NKAIN2: variants seen among roughly 807,000 people sequenced by gnomAD.
NKAIN2 encodes sodium/potassium-transporting ATPase subunit beta-1-interacting protein 2.
In NKAIN2, 14 loss-of-function variants were observed where a neutral mutation model predicts 32.6. The ratio of observed to expected loss-of-function variants is 0.43; its 90% CI spans 0.28 to 0.67. NKAIN2 has a LOEUF of 0.67. NKAIN2 is among the 30% of genes least tolerant of loss of function. The pLI is 0.17. For missense variants in NKAIN2, 198 were observed against 258.3 expected (o/e 0.77, Z 1.60); for synonymous variants, 80 against 87.2 (o/e 0.92, Z 0.46).
chr6:124,570,639 G>T (rs1781091440), intron 3 of NKAIN2, among the ~76,000 whole-genome samples: 1 of 152,232 alleles, frequency 6.6e-6, no homozygotes, highest in African/African-American at 2.4e-5. Context: ...CCTTCGCCTA[G>T]ATTTCAGAAG....
At position 124,698,419 on chromosome 6, in the gene NKAIN2, C is replaced by A. The variant is rs142017421; in HGVS notation, c.474+40033C>A. 1.9e-3 allele frequency among the ~76,000 whole-genome samples: 296 copies of A among 151,924 alleles called. 1 individual carries two copies. The highest frequency in any genetic ancestry group is 5.8e-3 in the African/African-American group (240 of 41,432). ...AAGGAGTAGTGAAAGTCTGTGTTAC[C>A]CTGAAGAAAATTTGAAATCAGCTCC... On this transcript the variant is annotated intron_variant, in intron 4 of 6. Coordinates refer to ENST00000368417, the MANE Select transcript of NKAIN2 (RefSeq NM_001040214.3).
intron 3 of NKAIN2, among the ~76,000 whole-genome samples, chr6:124,584,255 A>T (rs1244705590): frequency 6.6e-6 from 1 of 152,228 alleles, no homozygotes; most frequent in African/African-American, 2.4e-5. Flanking sequence ...CTGAGAAGGA[A>T]TTGGTAATCA....
intron 4 of NKAIN2, among the ~76,000 whole-genome samples, chr6:124,712,136 C>CAT (rs1423716369): frequency 2.6e-5 from 4 of 151,594 alleles, no homozygotes; most frequent in South Asian, 2.1e-4. Flanking sequence ...GCTCGGGGGT[C>CAT]GGGCGTCAGG....
chr6:124,037,981 T>TA (rs1236244760), intron 1 of NKAIN2, among the ~76,000 whole-genome samples: 1 of 152,130 alleles, frequency 6.6e-6, no homozygotes, highest in African/African-American at 2.4e-5. Context: ...ATTGAATGGA[T>TA]AAACATTAAA....
chr6:124,291,556 A>C (rs1337738573), intron 2 of NKAIN2, among the ~76,000 whole-genome samples: 6 of 152,042 alleles, frequency 3.9e-5, no homozygotes, highest in African/African-American at 1.4e-4. Flanking sequence ...AAGTTCTTCC[A>C]AAAGAAATGC....
At chr6:124,604,165 CCACT>C (rs1782411076) in intron 3 of NKAIN2, among the ~76,000 whole-genome samples, 1 of 151,860 alleles carries the variant, frequency 6.6e-6, no homozygotes, top group Non-Finnish European at 1.5e-5. Flanking sequence ...TAACACATAC[CCACT>C]GAGTTAGAAA....
At chr6:124,179,928 T>C (rs1789352765) in intron 1 of NKAIN2, among the ~76,000 whole-genome samples, 1 of 152,236 alleles carries the variant, frequency 6.6e-6, no homozygotes, top group Non-Finnish European at 1.5e-5. Context: ...CTGTAAGAGC[T>C]TGACAGATTA....
chr6:124,682,783 A>G (rs1479305009), intron 4 of NKAIN2, among the ~76,000 whole-genome samples: 3 of 152,190 alleles, frequency 2.0e-5, no homozygotes, highest in African/African-American at 7.2e-5. Flanking sequence ...AACTCTATAA[A>G]ACAACGTCTT....
intron 1 of NKAIN2, among the ~76,000 whole-genome samples, chr6:123,908,200 T>A (rs915937451): frequency 2.4e-4 from 37 of 152,120 alleles, no homozygotes; most frequent in Non-Finnish European, 2.9e-5. Context: ...TTGCAAGAGA[T>A]CTCTTGATTT....
chr6:124,366,544 T>C (rs1799525289), intron 3 of NKAIN2, among the ~76,000 whole-genome samples: 1 of 152,164 alleles, frequency 6.6e-6, no homozygotes, highest in Non-Finnish European at 1.5e-5. Context: ...AAATTCTTTC[T>C]AAGAATACAG....
rs754108149 is a variant in NKAIN2 at position 124,345,862 on chromosome 6, C to CT, written c.193-9404dup. On this transcript the variant is annotated intron_variant, in intron 2 of 6. Transcript: ENST00000368417. ...AGTTGTGTTCTGATTTTAGTTATTT[C>CT]TGCCTTCTGCTAGCTTTTGAATGTG... Among the ~76,000 whole-genome samples the CT allele has an allele frequency of 1.1e-4, 16 of 152,120 alleles. No homozygotes were observed. In the East Asian group the frequency reaches 1.9e-3, roughly 18 times the overall value.
At chr6:124,301,618 A>G (rs1222522684) in intron 2 of NKAIN2, among the ~76,000 whole-genome samples, 1 of 152,218 alleles carries the variant, frequency 6.6e-6, no homozygotes, top group Non-Finnish European at 1.5e-5. Flanking sequence ...GAGCTGCCCA[A>G]GAATGAGAAC....
intron 3 of NKAIN2, among the ~76,000 whole-genome samples, chr6:124,583,979 T>G (rs1026830452): frequency 4.6e-5 from 7 of 152,012 alleles, no homozygotes; most frequent in African/African-American, 9.7e-5. Context: ...TCTCACCACA[T>G]AAAAAAATCA....
intron 3 of NKAIN2, among the ~76,000 whole-genome samples, chr6:124,415,601 C>A (rs565749218): frequency 2.6e-5 from 4 of 152,074 alleles, no homozygotes; most frequent in African/African-American, 4.8e-5. Flanking sequence ...ACCTTCATCC[C>A]CTATTTCTCC....
chr6:124,804,888 T>C (rs1474471294), intron 5 of NKAIN2, among the ~76,000 whole-genome samples: 2 of 152,176 alleles, frequency 1.3e-5, no homozygotes, highest in African/African-American at 2.4e-5. Context: ...GTCTCACTGA[T>C]TGCTAGCACA....
At chr6:124,515,320 C>T (rs931913700) in intron 3 of NKAIN2, among the ~76,000 whole-genome samples, 7 of 152,024 alleles carry the variant, frequency 4.6e-5, no homozygotes, top group Non-Finnish European at 1.0e-4. Flanking sequence ...TAAGTATTTA[C>T]ATCCGGTGAG....
At chr6:124,102,849 A>T (rs999893649) in intron 1 of NKAIN2, among the ~76,000 whole-genome samples, 2 of 152,150 alleles carry the variant, frequency 1.3e-5, no homozygotes, top group Non-Finnish European at 2.9e-5. Context: ...AACACTTGTA[A>T]GGGGGGCAAT....
At chr6:123,805,401 G>A (rs1773173930) in intron 1 of NKAIN2, among the ~76,000 whole-genome samples, 1 of 152,190 alleles carries the variant, frequency 6.6e-6, no homozygotes, top group Non-Finnish European at 1.5e-5. Flanking sequence ...ATGAGTGTTA[G>A]TTATTGCTGC....
At chr6:124,366,882 C>T (rs1042755576) in intron 3 of NKAIN2, among the ~76,000 whole-genome samples, 4 of 149,818 alleles carry the variant, frequency 2.7e-5, no homozygotes, top group Admixed American at 2.0e-4. Context: ...AAGCTGAGAT[C>T]GTGCCACTGC....
Sources: gnomAD v4.1 joint callset for allele counts (sites outside exome capture counted in the v4.1 genomes callset) on GRCh38, gnomAD v4.1.1 for gene constraint, MANE v1.5 for transcripts, NCBI Gene and HGNC (gene_info 2026-07-23, HGNC 2026-07-21) for gene names.